TTLL5: variants seen among roughly 807,000 people sequenced by gnomAD.
The protein encoded by TTLL5 is tubulin polyglutamylase TTLL5.
In TTLL5, 132 loss-of-function variants were observed where a neutral mutation model predicts 168.4. The observed-to-expected ratio is 0.78, with a 90% CI of 0.68 to 0.91. The LOEUF is 0.91. Among genes scored for constraint, TTLL5 ranks in the 40% least tolerant of loss-of-function variants. The pLI is 0.00. For synonymous variants in TTLL5, 546 were observed against 558.6 expected, an observed-to-expected ratio of 0.98 and a Z score of 0.32; for missense variants, 1,545 against 1,581.5, an observed-to-expected ratio of 0.98 and a Z score of 0.39.
intron 31 of TTLL5, among the ~76,000 whole-genome samples, chr14:75,935,526 T>G (rs2034409325): frequency 6.6e-6 from 1 of 152,184 alleles, no homozygotes. Flanking sequence ...GTTGTGAAAC[T>G]AGAGAGTGAG....
intron 7 of TTLL5, among the ~76,000 whole-genome samples, chr14:75,701,217 G>A (rs967807181): frequency 4.6e-5 from 7 of 152,116 alleles, no homozygotes; most frequent in African/African-American, 1.7e-4. Context: ...CATAATGGAT[G>A]CAGTTTGCCT....
intron 17 of TTLL5, among the ~76,000 whole-genome samples, chr14:75,748,210 G>A (rs1224600640): frequency 6.7e-6 from 1 of 149,306 alleles, no homozygotes; most frequent in Non-Finnish European, 1.5e-5. Context: ...AGCGTGTCCT[G>A]TAACAGTTAT....
intron 2 of TTLL5, among the ~76,000 whole-genome samples, chr14:75,666,087 TTA>T (rs1387209586): frequency 1.9e-4 from 29 of 152,244 alleles, no homozygotes; most frequent in African/African-American, 7.0e-4. Flanking sequence ...TTTCATCAGC[TTA>T]TGTCTTGTCT....
chr14:75,793,237 A>G (rs898863851), intron 27 of TTLL5, 137 bp downstream of exon 27: 3 of 815,842 alleles, frequency 3.7e-6, no homozygotes, highest in Non-Finnish European at 5.1e-6. Context: ...AGTTGGTTTC[A>G]AGCTAAATTA....
chr14:75,759,422 C>G (rs1384985795), intron 18 of TTLL5, among the ~76,000 whole-genome samples: 1 of 151,878 alleles, frequency 6.6e-6, no homozygotes, highest in African/African-American at 2.4e-5. Flanking sequence ...ACTCCAGGCT[C>G]ACTGGTTTCA....
intron 3 of TTLL5, among the ~76,000 whole-genome samples, chr14:75,677,156 T>TA (rs375658644): frequency 6.6e-6 from 1 of 152,112 alleles, no homozygotes; most frequent in Non-Finnish European, 1.5e-5. Flanking sequence ...TTTTACTATA[T>TA]AAAAATAATT....
At chr14:75,862,697 T>G (rs764204094) in intron 28 of TTLL5, among the ~76,000 whole-genome samples, 29 of 152,062 alleles carry the variant, frequency 1.9e-4, no homozygotes, top group Admixed American at 3.9e-4. Flanking sequence ...TCCAAGCACT[T>G]TGGGAGGCTG....
At chr14:75,946,349 T>C (rs1039130188) in intron 31 of TTLL5, among the ~76,000 whole-genome samples, 1 of 152,264 alleles carries the variant, frequency 6.6e-6, no homozygotes, top group African/African-American at 2.4e-5. Context: ...TATACAATTG[T>C]TAAATGAATA....
intron 20 of TTLL5, among the ~76,000 whole-genome samples, chr14:75,766,894 T>C (rs1350755024): frequency 6.6e-6 from 1 of 152,144 alleles, no homozygotes; most frequent in South Asian, 2.1e-4. Flanking sequence ...CCAAGCTCAG[T>C]GTCTCACACC....
chr14:75,847,254 C>T lies in TTLL5; in HGVS notation c.3327-16413C>T, dbSNP rs186343873. ...CTGACCTCAGGTGATCCACCCACCT[C>T]GGCCTTCCAAAGTTCTGGGATTACA... On this transcript the variant is annotated intron_variant, in intron 28 of 31. Coordinates refer to ENST00000298832, the MANE Select transcript of TTLL5 (RefSeq NM_015072.5). Among the ~76,000 whole-genome samples the T allele has an allele frequency of 3.3e-5, 5 of 152,112 alleles. No individual in the cohort carries two copies. In the East Asian group the frequency reaches 7.7e-4, roughly 23 times the overall value.
intron 12 of TTLL5, among the ~76,000 whole-genome samples, chr14:75,724,511 T>A (rs530042183): frequency 6.6e-6 from 1 of 152,324 alleles, no homozygotes; most frequent in South Asian, 2.1e-4. Flanking sequence ...CATTTAATGC[T>A]TTTTCCTAGA....
chr14:75,683,096 T>C (rs1884755846), intron 4 of TTLL5, among the ~76,000 whole-genome samples: 1 of 152,200 alleles, frequency 6.6e-6, no homozygotes. Flanking sequence ...GATACCAGTT[T>C]GTATCCTGTC....
At chr14:75,824,755 A>C (rs1595104238) in intron 28 of TTLL5, among the ~76,000 whole-genome samples, 2 of 150,566 alleles carry the variant, frequency 1.3e-5, no homozygotes, top group East Asian at 3.9e-4. Context: ...AACAAAGAAG[A>C]GTATGTAAGG....
chr14:75,875,256 A>G (rs1595189330), intron 29 of TTLL5, among the ~76,000 whole-genome samples: 3 of 147,732 alleles, frequency 2.0e-5, no homozygotes, highest in Admixed American at 1.3e-4. Context: ...TCAAAAATCT[A>G]TTGTGGGCTG....
rs766624013 is a variant in TTLL5, at chr14:75,783,418, T to G, written c.2874T>G (p.Thr958=). The change falls in exon 26 of 32, where the codon ACT becomes ACG. Residue 958 remains threonine, a synonymous_variant. Coordinates refer to ENST00000298832, the MANE Select transcript of TTLL5 (RefSeq NM_015072.5). ...GGGCACAGAACATCCCAAGCCCTAC[T>G]GGCCTGCCACGCTGTCGATCAGGAA... The part of the protein sequence containing the change: ...HPGAQNIPSP[T]GLPRCRSGSH... 10 of 1,614,110 alleles carry G rather than the reference T, an allele frequency of 6.2e-6. No individual in the cohort carries two copies. Among genetic ancestry groups the G allele is most frequent in the Non-Finnish European group, 5.1e-6 (6 of 1,180,042 alleles).
chr14:75,691,320 G>A (rs1407530654), intron 6 of TTLL5, among the ~76,000 whole-genome samples: 2 of 152,220 alleles, frequency 1.3e-5, no homozygotes, highest in African/African-American at 4.8e-5. Flanking sequence ...CTCCACAGGG[G>A]CAGAGCCTGA....
At chr14:75,684,208 T>A (rs929961403) in intron 5 of TTLL5, 1 of 152,408 alleles carries the variant, frequency 6.6e-6, no homozygotes, top group African/African-American at 2.4e-5. Flanking sequence ...TTTCTGGTTC[T>A]CTTTCCTAAA....
intron 28 of TTLL5, chr14:75,835,568 C>G (rs1895821645): frequency 6.6e-6 from 1 of 152,138 alleles, no homozygotes; most frequent in Admixed American, 6.5e-5. Flanking sequence ...AACATTTCAT[C>G]TGACAAAGAG....
chr14:75,881,157 A>C (rs1329478432), intron 29 of TTLL5, among the ~76,000 whole-genome samples: 1 of 152,150 alleles, frequency 6.6e-6, no homozygotes, highest in Non-Finnish European at 1.5e-5. Context: ...CAGGTGATCC[A>C]CATGTCTCAG....
Sources: gnomAD v4.1 joint callset for allele counts (sites outside exome capture counted in the v4.1 genomes callset) on GRCh38, gnomAD v4.1.1 for gene constraint, MANE v1.5 for transcripts, NCBI Gene and HGNC (gene_info 2026-07-23, HGNC 2026-07-21) for gene names.